The following ADCY10 variants were observed in gnomAD, a reference collection of about 807,000 sequenced individuals.
ADCY10 encodes the protein adenylate cyclase type 10.
ADCY10 carries 156 observed loss-of-function variants against 183.3 expected under a neutral mutation model. The observed-to-expected ratio is 0.85, with a 90% CI of 0.75 to 0.97. The LOEUF is 0.97. Ranked by LOEUF, ADCY10 falls within the 50% of genes least tolerant of loss-of-function variation. The probability of loss-of-function intolerance (pLI) is 0.00; values close to 1 mark genes in which losing one functional copy is unlikely to be tolerated. For missense variants in ADCY10, 1,745 were observed against 1,934.3 expected (o/e 0.90, Z 1.84); for synonymous variants, 645 against 670.0 (o/e 0.96, Z 0.58).
Position 167,829,418 on chromosome 1 carries a change from T to G in ADCY10, c.3599A>C (p.Lys1200Thr). The change falls in exon 26 of 33, where the codon AAG (lysine) becomes ACG (threonine). Residue 1200 changes from lysine (K) to threonine (T), a missense_variant. By Grantham distance (78) the Lys-to-Thr change is moderately conservative. Coordinates refer to ENST00000367851, the MANE Select transcript of ADCY10 (RefSeq NM_018417.6). ...QAQESPPPGK[K>T]RLAQLYRQTV... Reference sequence around the variant, plus strand: ...TTGCCGGTAAAGTTGTGCCAGCCTCTTCTTCCTATTGGATAAGGTAAACAC... The same window carrying G: ...TTGCCGGTAAAGTTGTGCCAGCCTCGTCTTCCTATTGGATAAGGTAAACAC... 1 of 1,614,142 alleles carries G rather than the reference T, an allele frequency of 6.2e-7. No homozygotes were observed.
chr1:167,882,476 T>C (rs1328477438), intron 9 of ADCY10, among the ~76,000 whole-genome samples: 1 of 128,688 alleles, frequency 7.8e-6, no homozygotes, highest in Non-Finnish European at 1.6e-5. Flanking sequence ...TAGAGCAAGA[T>C]TCCGTCTCAA....
Position 167,899,700 on chromosome 1 carries a change from A to G in ADCY10, c.437-72T>C. On this transcript the variant is annotated intron_variant, in intron 5 of 32. Coordinates refer to ENST00000367851, the MANE Select transcript of ADCY10 (RefSeq NM_018417.6). Reference sequence around the variant, plus strand: ...TTTCCCAGCAGCACAGGTTTTTGGAAAAACCATAATCTTGGTGGGACTATA... The same window carrying G: ...TTTCCCAGCAGCACAGGTTTTTGGAGAAACCATAATCTTGGTGGGACTATA... The G allele has an allele frequency of 4.1e-6, 6 of 1,458,884 alleles. No individual in the cohort carries two copies. In the South Asian group the frequency reaches 4.7e-5, roughly 11 times the overall value. 90.4% of individuals were successfully genotyped at this position (1,458,884 alleles called of 1,614,324 possible).
At chr1:167,840,583 C>T (rs1161100522) in intron 21 of ADCY10, among the ~76,000 whole-genome samples, 1 of 152,022 alleles carries the variant, frequency 6.6e-6, no homozygotes, top group Non-Finnish European at 1.5e-5. Context: ...GTCTCAATCT[C>T]CTGACCTTGT....
At chr1:167,894,410 C>A (rs1174205902) in intron 7 of ADCY10, among the ~76,000 whole-genome samples, 1 of 152,030 alleles carries the variant, frequency 6.6e-6, no homozygotes, top group Non-Finnish European at 1.5e-5. Flanking sequence ...CACTTTGCTG[C>A]CCTGGTTGCC....
intron 30 of ADCY10, chr1:167,818,517 C>T: frequency 1.7e-6 from 1 of 575,518 alleles, no homozygotes. Flanking sequence ...ATATTAGCCA[C>T]CATTGAACTC....
chr1:167,841,632 C>T (rs1053219292), intron 21 of ADCY10, among the ~76,000 whole-genome samples: 2 of 149,414 alleles, frequency 1.3e-5, no homozygotes, highest in African/African-American at 5.0e-5. Context: ...GTAGCTGGGA[C>T]TACAGGCACA....
chr1:167,832,239 C>G (rs16859734), intron 25 of ADCY10, among the ~76,000 whole-genome samples: 5,608 of 152,144 alleles, frequency 0.037, 168 homozygotes, highest in East Asian at 0.15. Flanking sequence ...ATCTCCTTTG[C>G]CATGAATTGC....
At chr1:167,839,341 G>T (rs1664452717) in intron 21 of ADCY10, among the ~76,000 whole-genome samples, 2 of 152,208 alleles carry the variant, frequency 1.3e-5, no homozygotes, top group Admixed American at 1.3e-4. Context: ...AAAGGGAGGG[G>T]ATATCCTTTC....
At chr1:167,877,000 G>C (rs73022160) in intron 12 of ADCY10, among the ~76,000 whole-genome samples, 3 of 152,046 alleles carry the variant, frequency 2.0e-5, no homozygotes, top group Non-Finnish European at 2.9e-5. Flanking sequence ...CCCCAGGCAC[G>C]TGAATAAGCC....
At chr1:167,866,780 C>CA (rs902757288) in intron 14 of ADCY10, among the ~76,000 whole-genome samples, 200 of 137,624 alleles carry the variant, frequency 1.5e-3, no homozygotes, top group East Asian at 2.5e-3. Flanking sequence ...TGGTTATCTT[C>CA]AAAAAAAAAA....
chr1:167,902,859 T>C (rs1349446524), intron 3 of ADCY10, among the ~76,000 whole-genome samples: 2 of 152,246 alleles, frequency 1.3e-5, no homozygotes, highest in Non-Finnish European at 2.9e-5. Context: ...GCATCCATCA[T>C]TAGGAGACAA....
At chr1:167,852,983 A>G (rs958854748) in intron 18 of ADCY10, among the ~76,000 whole-genome samples, 21 of 152,162 alleles carry the variant, frequency 1.4e-4, no homozygotes, top group African/African-American at 5.1e-4. Context: ...GGTTTTTAGG[A>G]AGCAAGAGGA....
chr1:167,858,989 A>G (rs79175332), intron 16 of ADCY10, among the ~76,000 whole-genome samples: 2,063 of 152,328 alleles, frequency 0.014, 16 homozygotes, highest in East Asian at 0.041. Flanking sequence ...CTTGGCAGTG[A>G]GTAAATGCGG....
chr1:167,872,188 A>C (rs750287733), intron 13 of ADCY10, among the ~76,000 whole-genome samples: 3 of 152,062 alleles, frequency 2.0e-5, no homozygotes, highest in African/African-American at 7.2e-5. Context: ...AAAATACAAA[A>C]TTAGCCGGGC....
At chr1:167,818,501 C>T (rs1286932806) in intron 30 of ADCY10, 1 of 618,198 alleles carries the variant, frequency 1.6e-6, no homozygotes, top group Non-Finnish European at 3.0e-6. Flanking sequence ...TGGAAACACT[C>T]AGGTAATATT....
At chr1:167,846,324 T>TA in intron 19 of ADCY10, 61 bp from the exon 20 acceptor site, 4 of 1,594,172 alleles carry the variant, frequency 2.5e-6, no homozygotes, top group Non-Finnish European at 3.4e-6. Flanking sequence ...ATATGCTGTA[T>TA]TTAATATAGA....
chr1:167,809,725 T>C lies in ADCY10; in HGVS notation c.4786A>G (p.Lys1596Glu). ...TTAGCTCTCATCAGGAATTTGTTTT[T>C]TTGAAGATCCTGAATGTTTACCCTG... ...AGRVNIQDLQKNKFLMRANTV... is the reference protein window; with the variant it reads ...AGRVNIQDLQENKFLMRANTV... Residue 1596 changes from lysine (K) to glutamate (E), a missense_variant, in exon 33 of 33, where the codon AAA (lysine) becomes GAA (glutamate). Physicochemically the swap from Lys to Glu is moderately conservative, Grantham distance 56 (BLOSUM62 1). Coordinates refer to ENST00000367851, the MANE Select transcript of ADCY10 (RefSeq NM_018417.6). 1.2e-6 allele frequency: 2 copies of C among 1,614,202 alleles called. No individual in the cohort carries two copies. Among genetic ancestry groups the C allele is most frequent in the Non-Finnish European group, 1.7e-6 (2 of 1,180,012 alleles).
At position 167,818,273 on chromosome 1, in the gene ADCY10, T is replaced by C; in HGVS notation, c.4287-6A>G. ...ATTCCTGAAGTCTGGCATACCTGCA[T>C]TACCACAAGAGAATAAGAAAAATCA... On this transcript the variant is annotated splice_region_variant and splice_polypyrimidine_tract_variant and intron_variant, in intron 30 of 32. Transcript: ENST00000367851. 6.2e-7 allele frequency: 1 copy of C among 1,612,934 alleles called. No individual in the cohort carries two copies. The highest frequency in any genetic ancestry group is 1.7e-5 in the Admixed American group (1 of 60,022).
intron 8 of ADCY10, among the ~76,000 whole-genome samples, chr1:167,893,150 C>G (rs1198186494): frequency 1.3e-5 from 2 of 152,166 alleles, no homozygotes; most frequent in Admixed American, 6.5e-5. Context: ...TAATTACCTG[C>G]ATTGTTAAAT....
Sources: allele counts gnomAD v4.1 joint callset (sites outside exome capture counted in the v4.1 genomes callset), GRCh38; gene constraint gnomAD v4.1.1; transcripts MANE v1.5; gene names NCBI Gene and HGNC (gene_info 2026-07-23, HGNC 2026-07-21).